The following UNC13B variants were observed in gnomAD, a reference collection of about 807,000 sequenced individuals.
UNC13B encodes the protein protein unc-13 homolog B.
In UNC13B, 144 loss-of-function variants were observed where a neutral mutation model predicts 211.0. The observed-to-expected ratio is 0.68, with a 90% CI of 0.60 to 0.78. The LOEUF is 0.78. Ranked by LOEUF, UNC13B falls within the 30% of genes least tolerant of loss-of-function variation. UNC13B has a pLI of 0.00. For synonymous variants in UNC13B, 709 were observed against 725.8 expected (o/e 0.98, Z 0.37); for missense variants, 1,777 against 2,002.0 (o/e 0.89, Z 2.14).
chr9:35,399,878 T>C, intron 36 of UNC13B, 149 bp downstream of exon 36: 1 of 815,910 alleles, frequency 1.2e-6, no homozygotes, highest in Non-Finnish European at 2.0e-6. Flanking sequence ...CAGAATCAGA[T>C]ATGGTTCCTA....
intron 21 of UNC13B, among the ~76,000 whole-genome samples, chr9:35,383,456 A>G (rs1564186046): frequency 1.3e-5 from 2 of 152,114 alleles, no homozygotes; most frequent in African/African-American, 4.8e-5. Context: ...GTACTAATGA[A>G]TTTTTTGTTG....
intron 6 of UNC13B, among the ~76,000 whole-genome samples, chr9:35,253,271 A>T (rs1826621942): frequency 6.6e-6 from 1 of 152,158 alleles, no homozygotes; most frequent in Non-Finnish European, 1.5e-5. Flanking sequence ...CTTCCCAAGT[A>T]GCAGAGACTA....
intron 1 of UNC13B, among the ~76,000 whole-genome samples, chr9:35,176,634 T>A (rs768437161): frequency 2.6e-5 from 4 of 152,164 alleles, no homozygotes; most frequent in Non-Finnish European, 5.9e-5. Context: ...AAAAAACCCC[T>A]TTCCTTCTTG....
chr9:35,332,645 T>A (rs1211949715), intron 11 of UNC13B, among the ~76,000 whole-genome samples: 2 of 152,234 alleles, frequency 1.3e-5, no homozygotes, highest in African/African-American at 2.4e-5. Flanking sequence ...TTTTATTTTC[T>A]TAGAAGCCAT....
rs539344087 is a variant in UNC13B, at chr9:35,206,592, C to T, written c.23-21423C>T. 8.6e-5 allele frequency among the ~76,000 whole-genome samples: 13 copies of T among 151,956 alleles called. No individual in the cohort carries two copies. In the South Asian group the frequency reaches 1.7e-3, roughly 19 times the overall value. On this transcript the variant is annotated intron_variant, in intron 1 of 39. Coordinates refer to ENST00000635942, the MANE Select transcript of UNC13B (RefSeq NM_001371189.2). Reference sequence around the variant, plus strand: ...GATTGAATAATACCATAGTGTAGGCCGGGTGTGGCACAGTGGCTCACACCT... The same window carrying T: ...GATTGAATAATACCATAGTGTAGGCTGGGTGTGGCACAGTGGCTCACACCT...
intron 1 of UNC13B, among the ~76,000 whole-genome samples, chr9:35,224,860 G>A (rs2131472301): frequency 6.6e-6 from 1 of 152,256 alleles, no homozygotes; most frequent in South Asian, 2.1e-4. Flanking sequence ...TCCCAGGGAT[G>A]CAATGATGGT....
At chr9:35,367,564 G>A (rs569442088) in intron 12 of UNC13B, among the ~76,000 whole-genome samples, 2 of 151,954 alleles carry the variant, frequency 1.3e-5, no homozygotes, top group Non-Finnish European at 2.9e-5. Context: ...GTTGACTGTA[G>A]TCACCCTGCT....
chr9:35,365,299 T>C (rs895321117), intron 11 of UNC13B, among the ~76,000 whole-genome samples: 1 of 152,228 alleles, frequency 6.6e-6, no homozygotes, highest in Non-Finnish European at 1.5e-5. Context: ...TCTGAAGCCA[T>C]AAGCCTAGGA....
intron 11 of UNC13B, among the ~76,000 whole-genome samples, chr9:35,358,404 C>T (rs146713343): frequency 0.013 from 2,047 of 152,282 alleles, 36 homozygotes; most frequent in African/African-American, 0.045. Flanking sequence ...CACCGTTTTA[C>T]GTTCCCACCA....
At chr9:35,186,827 A>G (rs1822387118) in intron 1 of UNC13B, among the ~76,000 whole-genome samples, 1 of 152,098 alleles carries the variant, frequency 6.6e-6, no homozygotes, top group Admixed American at 6.5e-5. Flanking sequence ...TCCTTACTGT[A>G]CATGTGGCTG....
chr9:35,369,683 G>GT (rs1269812183), intron 12 of UNC13B, among the ~76,000 whole-genome samples: 2 of 152,174 alleles, frequency 1.3e-5, no homozygotes, highest in East Asian at 1.9e-4. Context: ...GTTTTGTTTT[G>GT]TTTTTTCTTC....
At chr9:35,255,044 ATATAATATAATATATATTATG>A (rs1463729591) in intron 6 of UNC13B, among the ~76,000 whole-genome samples, 95 of 118,994 alleles carry the variant, frequency 8.0e-4, no homozygotes, top group African/African-American at 2.8e-3. Context: ...TATATATTAT[ATATAATATAATATATATTATG>A]TATAATATAA....
chr9:35,221,574 G>A (rs1244499191), intron 1 of UNC13B, among the ~76,000 whole-genome samples: 2 of 152,178 alleles, frequency 1.3e-5, no homozygotes, highest in Non-Finnish European at 2.9e-5. Context: ...CTGTGCTGAA[G>A]ATATTTAACT....
At chr9:35,266,626 T>C (rs1355640142) in intron 7 of UNC13B, among the ~76,000 whole-genome samples, 2 of 152,264 alleles carry the variant, frequency 1.3e-5, no homozygotes, top group African/African-American at 4.8e-5. Flanking sequence ...GTGATGGGAT[T>C]CTTTAAAAGT....
intron 1 of UNC13B, among the ~76,000 whole-genome samples, chr9:35,205,288 T>TG (rs1288378563): frequency 2.0e-5 from 3 of 152,184 alleles, no homozygotes; most frequent in African/African-American, 7.2e-5. Flanking sequence ...CAGGTATTTA[T>TG]GGCAATACAA....
At chr9:35,343,999 C>T (rs1832188803) in intron 11 of UNC13B, among the ~76,000 whole-genome samples, 2 of 151,926 alleles carry the variant, frequency 1.3e-5, no homozygotes, top group East Asian at 3.8e-4. Context: ...TTTTATGTGG[C>T]GATTAGAAAT....
chr9:35,377,737 A>G, intron 16 of UNC13B, 42 bp downstream of exon 16: 2 of 1,589,842 alleles, frequency 1.3e-6, no homozygotes, highest in South Asian at 2.2e-5. Context: ...GGCCTGGGCT[A>G]TGGGGAGGAG....
chr9:35,351,077 A>G (rs1402585099), intron 11 of UNC13B, among the ~76,000 whole-genome samples: 4 of 152,222 alleles, frequency 2.6e-5, no homozygotes, highest in African/African-American at 9.6e-5. Flanking sequence ...CCCAGAACAC[A>G]AGGACTTTAT....
chr9:35,231,197 T>G lies in UNC13B; in HGVS notation c.130T>G (p.Ser44Ala). ...TTVAVRGDQP[S>A]WEQDFMFEIS... ...TGTAGCAGTTCGTGGTGATCAGCCT[T>G]CCTGGGAACAGGATTTCATGTTGTA... The change falls in exon 3 of 40, where the codon TCC (serine) becomes GCC (alanine). Residue 44 changes from serine to alanine, a missense_variant. Physicochemically the swap from Ser to Ala is moderately conservative, Grantham distance 99. Transcript: ENST00000635942. 4 of 1,613,118 alleles carry G rather than the reference T, an allele frequency of 2.5e-6. No homozygotes were observed. The highest frequency in any genetic ancestry group is 2.7e-5 in the African/African-American group (2 of 75,040).
Sources: allele counts gnomAD v4.1 joint callset (sites outside exome capture counted in the v4.1 genomes callset), GRCh38; gene constraint gnomAD v4.1.1; transcripts MANE v1.5; gene names NCBI Gene and HGNC (gene_info 2026-07-23, HGNC 2026-07-21).